Variants in MAD1L1 observed in about 807,000 individuals in gnomAD.
MAD1L1 encodes the protein mitotic arrest deficient 1 like 1, also known as mitotic spindle assembly checkpoint protein MAD1.
Under a neutral mutation model 96.9 loss-of-function variants are expected in MAD1L1, and 95 were observed. The observed-to-expected ratio is 0.98, with a 90% CI of 0.83 to 1.16. The LOEUF is 1.16. Among genes scored for constraint, MAD1L1 ranks in the 50% most tolerant of loss-of-function variants. The pLI, the probability that MAD1L1 is intolerant of heterozygous loss-of-function variation, is 0.00. For missense variants in MAD1L1, 1,007 were observed against 954.4 expected (o/e 1.06, Z -0.73); for synonymous variants, 473 against 396.6 (o/e 1.19, Z -2.29).
At chr7:2,166,944 C>G (rs1335135060) in intron 10 of MAD1L1, among the ~76,000 whole-genome samples, 1 of 152,238 alleles carries the variant, frequency 6.6e-6, no homozygotes, top group Non-Finnish European at 1.5e-5. Flanking sequence ...AGGAAGGGCC[C>G]CGGGCTGCTG....
At position 2,218,286 on chromosome 7, in the gene MAD1L1, C is replaced by T. The variant is rs75713008; in HGVS notation, c.597-243G>A. On this transcript the variant is annotated intron_variant, in intron 6 of 18. Transcript: ENST00000265854. ...TCAGGCCTCAGTCTGCTCATTCAGA[C>T]GGGGTGCGTAGTGAGCCCAGGCCAC... Among the ~76,000 whole-genome samples, 1,505 of 152,296 alleles carry T rather than the reference C, an allele frequency of 9.9e-3. 9 individuals are homozygous for T. Among genetic ancestry groups the T allele is most frequent in the Admixed American group, 0.024 (370 of 15,304 alleles).
chr7:2,007,729 G>A lies in MAD1L1; in HGVS notation c.1360-5608C>T, dbSNP rs1035430660. 2.6e-5 allele frequency among the ~76,000 whole-genome samples: 4 copies of A among 152,202 alleles called. 1 individual carries two copies. Among genetic ancestry groups the A allele is most frequent in the Admixed American group, 2.6e-4 (4 of 15,280 alleles). ...CCACAATCCTACTCCTGGATGTAGAGCCCAAAGGAATGAAAACCTGCATTC... is the reference window on the plus strand; with the variant it reads ...CCACAATCCTACTCCTGGATGTAGAACCCAAAGGAATGAAAACCTGCATTC... On this transcript the variant is annotated intron_variant, in intron 13 of 18. Transcript: ENST00000265854.
chr7:2,098,704 A>T (rs1786626272), intron 11 of MAD1L1, among the ~76,000 whole-genome samples: 1 of 152,170 alleles, frequency 6.6e-6, no homozygotes, highest in Non-Finnish European at 1.5e-5. Flanking sequence ...CAGGAGGCCC[A>T]AGGGAGCGCA....
At chr7:1,892,782 A>C (rs1786629890) in intron 18 of MAD1L1, among the ~76,000 whole-genome samples, 1 of 152,146 alleles carries the variant, frequency 6.6e-6, no homozygotes, top group Admixed American at 6.5e-5. Context: ...TGAGCCGGGG[A>C]AGGCCCTGGA....
chr7:2,210,924 C>T (rs1358146345), intron 10 of MAD1L1, among the ~76,000 whole-genome samples: 1 of 152,238 alleles, frequency 6.6e-6, no homozygotes, highest in South Asian at 2.1e-4. Context: ...ACGATCACGT[C>T]GGATCTTCAC....
intron 11 of MAD1L1, among the ~76,000 whole-genome samples, chr7:2,145,175 G>A (rs1424500822): frequency 6.6e-6 from 1 of 152,150 alleles, no homozygotes; most frequent in South Asian, 2.1e-4. Context: ...GGGGACTGCC[G>A]AGAGCTGCTG....
At chr7:2,147,440 C>G (rs115557580) in intron 11 of MAD1L1, among the ~76,000 whole-genome samples, 1 of 152,224 alleles carries the variant, frequency 6.6e-6, no homozygotes, top group African/African-American at 2.4e-5. Flanking sequence ...GGGACAGAAG[C>G]CAGCATACAG....
At chr7:1,958,564 C>G (rs1221278871) in intron 15 of MAD1L1, among the ~76,000 whole-genome samples, 1 of 152,160 alleles carries the variant, frequency 6.6e-6, no homozygotes, top group East Asian at 1.9e-4. Context: ...TTCCAAGAAA[C>G]CTAACTGCAT....
chr7:1,862,316 C>G (rs1422102199), intron 18 of MAD1L1, among the ~76,000 whole-genome samples: 3 of 152,218 alleles, frequency 2.0e-5, no homozygotes, highest in Non-Finnish European at 4.4e-5. Context: ...GCCACGGGTC[C>G]CCTGGGAGGC....
At chr7:1,992,510 T>G (rs1470954679) in intron 14 of MAD1L1, among the ~76,000 whole-genome samples, 1 of 152,260 alleles carries the variant, frequency 6.6e-6, no homozygotes, top group Non-Finnish European at 1.5e-5. Context: ...TGCCCTGGGA[T>G]GCTGGATAAA....
intron 10 of MAD1L1, among the ~76,000 whole-genome samples, chr7:2,150,169 T>C (rs1789500610): frequency 6.6e-6 from 1 of 152,156 alleles, no homozygotes; most frequent in African/African-American, 2.4e-5. Flanking sequence ...GGAGGCTACC[T>C]GCACCCCTGG....
intron 10 of MAD1L1, among the ~76,000 whole-genome samples, chr7:2,195,703 C>T (rs565339842): frequency 2.6e-5 from 4 of 152,356 alleles, no homozygotes; most frequent in African/African-American, 4.8e-5. Context: ...AGAAGTTAAA[C>T]GCTTCCTCTC....
At chr7:2,102,969 G>A (rs1226932170) in intron 11 of MAD1L1, among the ~76,000 whole-genome samples, 1 of 152,202 alleles carries the variant, frequency 6.6e-6, no homozygotes, top group Non-Finnish European at 1.5e-5. Context: ...GTTCGGCAGA[G>A]GTGGCACTGT....
intron 10 of MAD1L1, among the ~76,000 whole-genome samples, chr7:2,183,442 C>T (rs1386640858): frequency 6.6e-6 from 1 of 152,136 alleles, no homozygotes; most frequent in African/African-American, 2.4e-5. Context: ...TCCCAAGGAA[C>T]AGATACAAAG....
chr7:1,876,830 T>G lies in MAD1L1; in HGVS notation c.1998+21370A>C, dbSNP rs547273378. 1.2e-3 allele frequency among the ~76,000 whole-genome samples: 171 copies of G among 148,414 alleles called. 2 individuals carry two copies. Among genetic ancestry groups the G allele is most frequent in the African/African-American group, 4.0e-3 (164 of 40,528 alleles). ...GCCAGGGCTGCCCGGTCTTTACCCC[T>G]CTGCTCAAGGCCACACGCACAGGAT... is the stretch of plus-strand genomic sequence containing the variant. On this transcript the variant is annotated intron_variant, in intron 18 of 18. Transcript: ENST00000265854.
At chr7:2,053,374 C>T (rs915927764) in intron 12 of MAD1L1, among the ~76,000 whole-genome samples, 6 of 152,222 alleles carry the variant, frequency 3.9e-5, no homozygotes, top group African/African-American at 1.2e-4. Context: ...GGCCTCAGCA[C>T]CTCCTGTAGG....
At chr7:2,225,750 G>C (rs1026414319) in intron 3 of MAD1L1, among the ~76,000 whole-genome samples, 200 bp from the exon 4 acceptor site, 1 of 152,232 alleles carries the variant, frequency 6.6e-6, no homozygotes, top group African/African-American at 2.4e-5. Context: ...AGCCTGGGAA[G>C]AGGAAGACGT....
chr7:1,942,445 G>A lies in MAD1L1; in HGVS notation c.1597-5548C>T, dbSNP rs190784639. The stretch of plus-strand genomic sequence containing the variant: ...CCATTCCATGCCTCGGAGCCCGCGC[G>A]CCACACATTTCAGCAGGTGCTGGAA... On this transcript the variant is annotated intron_variant, in intron 16 of 18. Coordinates refer to ENST00000265854, the MANE Select transcript of MAD1L1 (RefSeq NM_001013836.2). Among the ~76,000 whole-genome samples the A allele has an allele frequency of 3.4e-3, 513 of 152,306 alleles. 2 individuals are homozygous for A. Among genetic ancestry groups the A allele is most frequent in the African/African-American group, 0.01 (427 of 41,560 alleles).
intron 7 of MAD1L1, among the ~76,000 whole-genome samples, chr7:2,217,130 C>T (rs1207746786): frequency 1.3e-5 from 2 of 152,336 alleles, no homozygotes; most frequent in East Asian, 1.9e-4. Flanking sequence ...CCACTTCTGC[C>T]ACTCTAGCAG....
Sources: gnomAD v4.1 joint callset for allele counts (sites outside exome capture counted in the v4.1 genomes callset) on GRCh38, gnomAD v4.1.1 for gene constraint, MANE v1.5 for transcripts, NCBI Gene and HGNC (gene_info 2026-07-23, HGNC 2026-07-21) for gene names.